Variants in INPP4B observed in about 807,000 individuals in gnomAD.
INPP4B encodes the protein inositol polyphosphate-4-phosphatase type II B, also known as inositol polyphosphate 4-phosphatase type II.
A neutral mutation model predicts 122.5 loss-of-function variants in INPP4B; 55 were observed. The ratio of observed to expected loss-of-function variants is 0.45; its 90% CI spans 0.36 to 0.56. The LOEUF (loss-of-function observed/expected upper bound fraction) is 0.56, where lower values mean the gene tolerates loss of function less well. Among genes scored for constraint, INPP4B ranks in the 20% least tolerant of loss-of-function variants. The pLI is 0.00. For missense variants in INPP4B, 1,000 were observed against 1,097.7 expected (o/e 0.91, Z 1.26); for synonymous variants, 403 against 388.7 (o/e 1.04, Z -0.43).
chr4:142,507,059 A>G (rs896429315), intron 2 of INPP4B, among the ~76,000 whole-genome samples: 8 of 152,194 alleles, frequency 5.3e-5, no homozygotes, highest in Admixed American at 5.2e-4. Flanking sequence ...TCTAGTCTCA[A>G]CTTCCATGAT....
At chr4:142,098,279 G>A (rs1289735307) in intron 23 of INPP4B, among the ~76,000 whole-genome samples, 1 of 151,996 alleles carries the variant, frequency 6.6e-6, no homozygotes. Context: ...AAGGATCAAA[G>A]GGGTTGACTG....
At chr4:142,460,615 A>G (rs375569930) in intron 3 of INPP4B, among the ~76,000 whole-genome samples, 3 of 152,164 alleles carry the variant, frequency 2.0e-5, no homozygotes, top group East Asian at 3.9e-4. Flanking sequence ...AAATGGCAAG[A>G]GTAGTAATTA....
chr4:142,069,665 C>A (rs941940026), intron 25 of INPP4B, among the ~76,000 whole-genome samples: 2 of 152,126 alleles, frequency 1.3e-5, no homozygotes, highest in African/African-American at 2.4e-5. Flanking sequence ...CAACACCTAT[C>A]CCACAGAAAT....
chr4:142,209,854 T>G (rs1561491738), intron 12 of INPP4B, among the ~76,000 whole-genome samples: 1 of 149,084 alleles, frequency 6.7e-6, no homozygotes, highest in Non-Finnish European at 1.5e-5. Context: ...TCACGTATGG[T>G]TTTATTGGCT....
At position 142,211,918 on chromosome 4, in the gene INPP4B, G is replaced by T. The variant is rs1167366906; in HGVS notation, c.837-2892C>A. On this transcript the variant is annotated intron_variant, in intron 12 of 25. Transcript: ENST00000262992. Reference sequence around the variant, plus strand: ...GCTACTGGGGATATGCTAATGCCTGGTCTTCACCTTGAGAGAGGCTGATAT... The same window carrying T: ...GCTACTGGGGATATGCTAATGCCTGTTCTTCACCTTGAGAGAGGCTGATAT... Among the ~76,000 whole-genome samples the T allele has an allele frequency of 2.6e-5, 4 of 152,174 alleles. No individual in the cohort carries two copies. In the East Asian group the frequency reaches 5.8e-4, roughly 22 times the overall value.
intron 1 of INPP4B, among the ~76,000 whole-genome samples, chr4:142,763,359 G>A (rs996967452): frequency 6.6e-6 from 1 of 152,044 alleles, no homozygotes; most frequent in Non-Finnish European, 1.5e-5. Flanking sequence ...AATTAAAATG[G>A]CAAATTTAAG....
At chr4:142,410,144 A>G (rs1804291788) in intron 5 of INPP4B, among the ~76,000 whole-genome samples, 1 of 152,208 alleles carries the variant, frequency 6.6e-6, no homozygotes, top group South Asian at 2.1e-4. Flanking sequence ...CTCAGCAATA[A>G]TCAATTTGAA....
At chr4:142,196,752 T>C (rs1031104856) in intron 14 of INPP4B, among the ~76,000 whole-genome samples, 8 of 152,102 alleles carry the variant, frequency 5.3e-5, no homozygotes, top group African/African-American at 1.4e-4. Flanking sequence ...TAAATGTTCA[T>C]AGAAGAACAT....
chr4:142,393,097 A>G (rs1194262242), intron 7 of INPP4B, among the ~76,000 whole-genome samples: 2 of 152,228 alleles, frequency 1.3e-5, no homozygotes, highest in African/African-American at 2.4e-5. Flanking sequence ...AAGAGCTGAA[A>G]GAAATGTAAG....
At chr4:142,053,636 G>A (rs1029668262) in intron 25 of INPP4B, among the ~76,000 whole-genome samples, 2 of 151,994 alleles carry the variant, frequency 1.3e-5, no homozygotes, top group Non-Finnish European at 2.9e-5. Context: ...ATGCCGGAGT[G>A]TTTCACTCAA....
At position 142,694,711 on chromosome 4, in the gene INPP4B, G is replaced by T. The variant is rs1314685550; in HGVS notation, c.-191+31128C>A. ...ATTATCTGCAGCTTCGTCCTTTGTG[G>T]TGAGCTCCGCATCTGATACATAATT... On this transcript the variant is annotated intron_variant, in intron 2 of 25. Transcript: ENST00000262992. 8.5e-5 allele frequency among the ~76,000 whole-genome samples: 13 copies of T among 152,134 alleles called. No homozygotes were observed. In the South Asian group the frequency reaches 2.7e-3, roughly 32 times the overall value.
intron 2 of INPP4B, among the ~76,000 whole-genome samples, chr4:142,607,331 C>G (rs1342472453): frequency 1.3e-5 from 2 of 152,016 alleles, no homozygotes; most frequent in Admixed American, 6.6e-5. Flanking sequence ...ATGAATTACT[C>G]TATTAAAGGC....
At chr4:142,065,356 A>C (rs2152455748) in intron 25 of INPP4B, among the ~76,000 whole-genome samples, 1 of 152,296 alleles carries the variant, frequency 6.6e-6, no homozygotes, top group East Asian at 1.9e-4. Context: ...CTCTACAAAA[A>C]GGAAACTACA....
At chr4:142,804,366 C>T (rs113790675) in intron 1 of INPP4B, among the ~76,000 whole-genome samples, 2 of 152,148 alleles carry the variant, frequency 1.3e-5, no homozygotes, top group African/African-American at 4.8e-5. Flanking sequence ...TCATACTGTG[C>T]ACTCTGCTGC....
intron 2 of INPP4B, among the ~76,000 whole-genome samples, chr4:142,627,852 G>A (rs1226499791): frequency 7.2e-5 from 11 of 151,802 alleles, no homozygotes; most frequent in East Asian, 1.9e-4. Flanking sequence ...TGTACCTCTG[G>A]TAGAATTCGG....
At chr4:142,583,078 A>G (rs997809985) in intron 2 of INPP4B, among the ~76,000 whole-genome samples, 2 of 152,084 alleles carry the variant, frequency 1.3e-5, no homozygotes, top group African/African-American at 4.8e-5. Context: ...TCTGAACCCC[A>G]GTTTCTTTGT....
rs541120575 is a variant in INPP4B, at chr4:142,369,735, G to C, written c.372+33203C>G. ...TGAGGTTAGGAGTTCGAGACCGGCC[G>C]GGCCAACATGGTGAAACCCCGTCTG... On this transcript the variant is annotated intron_variant, in intron 7 of 25. Transcript: ENST00000262992. Among the ~76,000 whole-genome samples the C allele has an allele frequency of 1.1e-3, 160 of 151,494 alleles. No individual in the cohort carries two copies. The Middle Eastern group carries it at 0.014, about 13-fold the overall frequency.
intron 9 of INPP4B, chr4:142,287,539 A>T (rs187361860): frequency 1.3e-5 from 2 of 152,114 alleles, no homozygotes; most frequent in Non-Finnish European, 2.9e-5. Flanking sequence ...CGAGCATCAC[A>T]ATTAATTTAC....
chr4:142,699,191 G>T (rs970151029), intron 2 of INPP4B, among the ~76,000 whole-genome samples: 2 of 152,112 alleles, frequency 1.3e-5, no homozygotes, highest in African/African-American at 4.8e-5. Flanking sequence ...CTATTTCATT[G>T]TGGTTTATTG....
Sources: allele counts gnomAD v4.1 joint callset (sites outside exome capture counted in the v4.1 genomes callset), GRCh38; gene constraint gnomAD v4.1.1; transcripts MANE v1.5; gene names NCBI Gene and HGNC (gene_info 2026-07-23, HGNC 2026-07-21).